ANKRD55: variants seen among roughly 807,000 people sequenced by gnomAD.
ANKRD55 encodes the protein ankyrin repeat domain 55.
ANKRD55 carries 41 observed loss-of-function variants against 60.6 expected under a neutral mutation model. The observed-to-expected ratio is 0.68, with a 90% CI of 0.53 to 0.88. The LOEUF (loss-of-function observed/expected upper bound fraction) is 0.88, where lower values mean the gene tolerates loss of function less well. Ranked by LOEUF, ANKRD55 falls within the 40% of genes least tolerant of loss-of-function variation. The pLI, the probability that ANKRD55 is intolerant of heterozygous loss-of-function variation, is 0.00. For missense variants in ANKRD55, 732 were observed against 767.6 expected, an observed-to-expected ratio of 0.95 and a Z score of 0.55; for synonymous variants, 264 against 290.3, an observed-to-expected ratio of 0.91 and a Z score of 0.92.
intron 2 of ANKRD55, among the ~76,000 whole-genome samples, chr5:56,218,991 G>A (rs1296521610): frequency 6.6e-6 from 1 of 151,928 alleles, no homozygotes; most frequent in African/African-American, 2.4e-5. Context: ...GAAAAATTTA[G>A]GCCAGGCACA....
At chr5:56,140,989 G>A (rs1757745583) in intron 7 of ANKRD55, among the ~76,000 whole-genome samples, 2 of 151,968 alleles carry the variant, frequency 1.3e-5, no homozygotes, top group African/African-American at 4.8e-5. Flanking sequence ...CTTGAACCCG[G>A]GAGGCAGATG....
intron 7 of ANKRD55, among the ~76,000 whole-genome samples, chr5:56,138,288 C>T (rs1004790190): frequency 2.3e-4 from 35 of 152,002 alleles, no homozygotes; most frequent in African/African-American, 8.5e-4. Flanking sequence ...CTACCATGCC[C>T]AGCTAATTTT....
At chr5:56,223,567 TAA>T (rs1162682333) in intron 2 of ANKRD55, among the ~76,000 whole-genome samples, 2 of 152,084 alleles carry the variant, frequency 1.3e-5, no homozygotes, top group Non-Finnish European at 2.9e-5. Flanking sequence ...CCAAATTGGA[TAA>T]AGAGTCAAGA....
chr5:56,220,187 G>C (rs1028140601), intron 2 of ANKRD55, among the ~76,000 whole-genome samples: 1 of 152,254 alleles, frequency 6.6e-6, no homozygotes, highest in Non-Finnish European at 1.5e-5. Flanking sequence ...CTGGCAAGAG[G>C]CCCCCTCCCC....
In ANKRD55 at chr5:56,100,316, G is replaced by T. The variant is rs368625869; in HGVS notation, c.1724-12C>A. 27 of 1,613,972 alleles carry T rather than the reference G, an allele frequency of 1.7e-5. No individual in the cohort carries two copies. Among genetic ancestry groups the T allele is most frequent in the Non-Finnish European group, 2.2e-5 (26 of 1,179,990 alleles). ...TTCTCCAGATAGAACTGGGAAGAAA[G>T]AATAGAACAAGAGACTTTCAAGATT... is the stretch of plus-strand genomic sequence containing the variant. On this transcript the variant is annotated splice_polypyrimidine_tract_variant and intron_variant, in intron 11 of 11. Transcript: ENST00000341048.
chr5:56,148,776 C>G (rs758090089), intron 6 of ANKRD55, among the ~76,000 whole-genome samples: 1 of 151,628 alleles, frequency 6.6e-6, no homozygotes, highest in Admixed American at 6.6e-5. Context: ...GAAAGGCACA[C>G]AGAGAGAAAT....
intron 7 of ANKRD55, among the ~76,000 whole-genome samples, chr5:56,128,924 A>G (rs1757342300): frequency 1.3e-5 from 2 of 152,232 alleles, no homozygotes; most frequent in South Asian, 4.1e-4. Flanking sequence ...TGGAGGAACT[A>G]AAGTGAAAAC....
At position 56,121,753 on chromosome 5, in the gene ANKRD55, C is replaced by T. The variant is rs1757071067; in HGVS notation, c.798-4971G>A. Among the ~76,000 whole-genome samples the T allele has an allele frequency of 2.0e-5, 3 of 152,100 alleles. No homozygotes were observed. In the South Asian group the frequency reaches 6.2e-4, roughly 32 times the overall value. On this transcript the variant is annotated intron_variant, in intron 8 of 11. Transcript: ENST00000341048. The stretch of plus-strand genomic sequence containing the variant: ...CCTTTCACTCACTGTGTGGTTCTGG[C>T]ACATATAGAGGCTCCCAACAAGAAG...
In ANKRD55 at chr5:56,129,099, C is replaced by T. The variant is rs115021687; in HGVS notation, c.613-1993G>A. Among the ~76,000 whole-genome samples the T allele has an allele frequency of 8.0e-3, 1,224 of 152,088 alleles. 12 individuals are homozygous for T. Among genetic ancestry groups the T allele is most frequent in the African/African-American group, 0.028 (1,143 of 41,500 alleles). On this transcript the variant is annotated intron_variant, in intron 7 of 11. Coordinates refer to ENST00000341048, the MANE Select transcript of ANKRD55 (RefSeq NM_024669.3). Reference sequence around the variant, plus strand: ...AAAACACTAGTTTGTAAGTCAAGGCCCTGGATCACTTGCCTCCTGGTGACA... The same window carrying T: ...AAAACACTAGTTTGTAAGTCAAGGCTCTGGATCACTTGCCTCCTGGTGACA...
At chr5:56,128,303 G>C (rs1247802161) in intron 7 of ANKRD55, among the ~76,000 whole-genome samples, 1 of 152,184 alleles carries the variant, frequency 6.6e-6, no homozygotes, top group Non-Finnish European at 1.5e-5. Context: ...GAAGCATTAA[G>C]TGCAGATGGA....
At chr5:56,154,583 A>G (rs984243087) in intron 6 of ANKRD55, among the ~76,000 whole-genome samples, 2 of 101,420 alleles carry the variant, frequency 2.0e-5, no homozygotes, top group African/African-American at 8.1e-5. Flanking sequence ...TTAGTTTTAA[A>G]GTTTTTTTTT....
intron 2 of ANKRD55, among the ~76,000 whole-genome samples, chr5:56,204,068 T>A (rs991120159): frequency 1.3e-5 from 2 of 152,236 alleles, no homozygotes; most frequent in Non-Finnish European, 2.9e-5. Flanking sequence ...GATTTGCATT[T>A]CTCTGATGGC....
chr5:56,108,030 T>G (rs1309653662), intron 10 of ANKRD55, among the ~76,000 whole-genome samples: 4 of 152,072 alleles, frequency 2.6e-5, no homozygotes, highest in African/African-American at 4.8e-5. Context: ...CCACTACTCC[T>G]GGCTAATTTT....
At chr5:56,135,501 C>G (rs1298487796) in intron 7 of ANKRD55, among the ~76,000 whole-genome samples, 1 of 151,918 alleles carries the variant, frequency 6.6e-6, no homozygotes, top group East Asian at 1.9e-4. Context: ...TCCCGTGTAG[C>G]TGGGACTACA....
At chr5:56,176,053 C>A in intron 4 of ANKRD55, 99 bp downstream of exon 4, 1 of 1,452,606 alleles carries the variant, frequency 6.9e-7, no homozygotes, top group Non-Finnish European at 9.5e-7. Context: ...CTTTAGCCAG[C>A]TGCATAGATC....
chr5:56,162,654 GTTGGTCAATTT>G (rs1408372285), intron 5 of ANKRD55, among the ~76,000 whole-genome samples: 4 of 143,804 alleles, frequency 2.8e-5, no homozygotes, highest in Non-Finnish European at 6.0e-5. Context: ...ATCATCTCTT[GTTGGTCAATTT>G]TTGGTCAATT....
At chr5:56,232,745 AACACACACAC>A in intron 2 of ANKRD55, 101 bp downstream of exon 2, 1 of 870,944 alleles carries the variant, frequency 1.1e-6, no homozygotes, top group Non-Finnish European at 1.8e-6. Context: ...CACGCACATG[AACACACACAC>A]ACACACACAC....
intron 2 of ANKRD55, among the ~76,000 whole-genome samples, chr5:56,221,004 A>G (rs1012897462): frequency 6.6e-6 from 1 of 152,156 alleles, no homozygotes; most frequent in Non-Finnish European, 1.5e-5. Flanking sequence ...CTTCTAAACC[A>G]GTACTGGTTT....
At chr5:56,221,977 T>C (rs1195179318) in intron 2 of ANKRD55, among the ~76,000 whole-genome samples, 1 of 152,214 alleles carries the variant, frequency 6.6e-6, no homozygotes, top group Non-Finnish European at 1.5e-5. Flanking sequence ...CGTCCTTGTC[T>C]GGCAGCTTTG....
Sources: gnomAD v4.1 joint callset for allele counts (sites outside exome capture counted in the v4.1 genomes callset) on GRCh38, gnomAD v4.1.1 for gene constraint, MANE v1.5 for transcripts, NCBI Gene and HGNC (gene_info 2026-07-23, HGNC 2026-07-21) for gene names.